Variants in RUNDC3B observed in about 807,000 individuals in gnomAD.
The protein encoded by RUNDC3B is RUN domain-containing protein 3B.
Under a neutral mutation model 58.4 loss-of-function variants are expected in RUNDC3B, and 33 were observed. That is an observed-to-expected ratio of 0.56 (90% CI 0.43 to 0.75). The LOEUF (loss-of-function observed/expected upper bound fraction) is 0.75. RUNDC3B is among the 30% of genes least tolerant of loss of function. RUNDC3B has a pLI of 0.00. For synonymous variants in RUNDC3B, 193 were observed against 195.2 expected (o/e 0.99, Z 0.10); for missense variants, 501 against 535.7 (o/e 0.94, Z 0.64).
intron 2 of RUNDC3B, among the ~76,000 whole-genome samples, chr7:87,675,753 C>T: frequency 6.8e-6 from 1 of 147,956 alleles, no homozygotes; most frequent in East Asian, 2.0e-4. Flanking sequence ...ACACAAAAAT[C>T]AACTCAAAAC....
At chr7:87,658,604 TAAAGAC>T (rs1412591041) in intron 2 of RUNDC3B, among the ~76,000 whole-genome samples, 4 of 151,878 alleles carry the variant, frequency 2.6e-5, no homozygotes, top group Non-Finnish European at 4.4e-5. Context: ...AACCAATAAA[TAAAGAC>T]AAAGAAAAAA....
chr7:87,740,524 T>C (rs889159696), intron 5 of RUNDC3B, among the ~76,000 whole-genome samples: 3 of 151,062 alleles, frequency 2.0e-5, no homozygotes, highest in Non-Finnish European at 4.4e-5. Context: ...ATAAGAAAAC[T>C]CAAACACAAG....
Position 87,724,573 on chromosome 7 carries a change from A to C in RUNDC3B, c.458+13918A>C, listed in dbSNP as rs894666958. 3.9e-5 allele frequency among the ~76,000 whole-genome samples: 6 copies of C among 152,034 alleles called. No individual in the cohort carries two copies. In the South Asian group the frequency reaches 6.2e-4, roughly 16 times the overall value. ...TTAAATGAAATTTCATTAGTTAAAA[A>C]ATTTTCTTCCTGAATCTGTAATAGA... is the stretch of plus-strand genomic sequence containing the variant. On this transcript the variant is annotated intron_variant, in intron 4 of 10. Transcript: ENST00000394654.
At chr7:87,780,658 A>G (rs1403317294) in intron 8 of RUNDC3B, among the ~76,000 whole-genome samples, 1 of 151,970 alleles carries the variant, frequency 6.6e-6, no homozygotes, top group South Asian at 2.1e-4. Flanking sequence ...TTGAGGACTT[A>G]GTCATAAATT....
At chr7:87,685,689 T>A (rs1461493660) in intron 2 of RUNDC3B, among the ~76,000 whole-genome samples, 2 of 152,020 alleles carry the variant, frequency 1.3e-5, no homozygotes, top group Non-Finnish European at 2.9e-5. Flanking sequence ...AGGGTGGGGG[T>A]TGACAAGCAT....
At chr7:87,753,361 G>C (rs1413483156) in intron 6 of RUNDC3B, among the ~76,000 whole-genome samples, 1 of 151,988 alleles carries the variant, frequency 6.6e-6, no homozygotes, top group Non-Finnish European at 1.5e-5. Context: ...TTGATTTGGG[G>C]TGGAGAGTTC....
intron 2 of RUNDC3B, 49 bp from the exon 3 acceptor site, chr7:87,700,372 A>G (rs1198436801): frequency 3.5e-6 from 5 of 1,441,672 alleles, no homozygotes; most frequent in Non-Finnish European, 4.7e-6. Context: ...TTTCAAGTCT[A>G]GTTTTATTTT....
intron 2 of RUNDC3B, among the ~76,000 whole-genome samples, chr7:87,672,995 G>GA (rs1825984340): frequency 6.6e-6 from 1 of 152,126 alleles, no homozygotes; most frequent in Admixed American, 6.5e-5. Flanking sequence ...CGGCCATCCT[G>GA]ACTACTCCCC....
intron 1 of RUNDC3B, among the ~76,000 whole-genome samples, chr7:87,648,041 C>T (rs750186096): frequency 5.9e-5 from 9 of 151,692 alleles, no homozygotes; most frequent in African/African-American, 2.2e-4. Flanking sequence ...AAAAATTAGC[C>T]GGGCTTGGTG....
chr7:87,747,840 C>G (rs1832735675), intron 6 of RUNDC3B, among the ~76,000 whole-genome samples: 1 of 152,120 alleles, frequency 6.6e-6, no homozygotes, highest in South Asian at 2.1e-4. Flanking sequence ...CATGCCCCTG[C>G]CAACAGCCCA....
At chr7:87,828,760 G>A (rs1344114606) in intron 10 of RUNDC3B, among the ~76,000 whole-genome samples, 2 of 152,114 alleles carry the variant, frequency 1.3e-5, no homozygotes, top group Non-Finnish European at 2.9e-5. Flanking sequence ...TTGCTGGGTC[G>A]AATGGTAATT....
At chr7:87,706,851 G>A (rs1829641273) in intron 3 of RUNDC3B, among the ~76,000 whole-genome samples, 1 of 152,178 alleles carries the variant, frequency 6.6e-6, no homozygotes, top group African/African-American at 2.4e-5. Flanking sequence ...TCAAAGCAAA[G>A]TCCCATAAAC....
rs1404292457 is a variant in RUNDC3B at position 87,831,490 on chromosome 7, G to A, written c.*1460G>A. ...TCACTTCAGGGACAAAGGCCTGGAA[G>A]CCCTTAAAATAAGTTATCTTAGATG... On this transcript the variant is annotated 3_prime_UTR_variant, in exon 11 of 11. Coordinates refer to ENST00000394654, the MANE Select transcript of RUNDC3B (RefSeq NM_001134405.2). The A allele has an allele frequency of 1.3e-5, 2 of 151,902 alleles. No homozygotes were observed. Among genetic ancestry groups the A allele is most frequent in the African/African-American group, 4.8e-5 (2 of 41,424 alleles). 9.4% of individuals were successfully genotyped at this position (151,902 alleles called of 1,614,324 possible).
chr7:87,756,020 C>A (rs928051147), intron 6 of RUNDC3B, among the ~76,000 whole-genome samples: 1 of 151,918 alleles, frequency 6.6e-6, no homozygotes, highest in Admixed American at 6.6e-5. Flanking sequence ...ACTTATTTTT[C>A]ATTTTAAGAC....
chr7:87,829,748 A>G (rs139552154), intron 10 of RUNDC3B, 137 bp from the exon 11 acceptor site: 4 of 558,608 alleles, frequency 7.2e-6, no homozygotes, highest in African/African-American at 3.9e-5. Flanking sequence ...CAATCATGCA[A>G]TTTGTTCTGT....
intron 10 of RUNDC3B, among the ~76,000 whole-genome samples, chr7:87,816,487 C>T (rs776043288): frequency 3.4e-4 from 52 of 152,008 alleles, no homozygotes; most frequent in Non-Finnish European, 6.3e-4. Flanking sequence ...TTACTCACTT[C>T]CTGTACTTTT....
intron 2 of RUNDC3B, among the ~76,000 whole-genome samples, chr7:87,665,414 A>T (rs1825125408): frequency 6.6e-6 from 1 of 152,168 alleles, no homozygotes; most frequent in African/African-American, 2.4e-5. Flanking sequence ...AAGTTACTAA[A>T]CATTGATTAA....
intron 6 of RUNDC3B, among the ~76,000 whole-genome samples, chr7:87,742,957 C>CA (rs1489539356): frequency 1.3e-5 from 2 of 151,774 alleles, no homozygotes; most frequent in Admixed American, 6.6e-5. Flanking sequence ...ACTAAAAATA[C>CA]AAAAAAATTA....
intron 3 of RUNDC3B, among the ~76,000 whole-genome samples, chr7:87,706,080 G>T (rs1829557725): frequency 6.6e-6 from 1 of 152,094 alleles, no homozygotes; most frequent in African/African-American, 2.4e-5. Context: ...GTTTCTGGTT[G>T]CTTATCCTGT....
Sources: allele counts gnomAD v4.1 joint callset (sites outside exome capture counted in the v4.1 genomes callset), GRCh38; gene constraint gnomAD v4.1.1; transcripts MANE v1.5; gene names NCBI Gene and HGNC (gene_info 2026-07-23, HGNC 2026-07-21).